SIDT2: variants seen among roughly 807,000 people sequenced by gnomAD.
The protein encoded by SIDT2 is SID1 transmembrane family, member 2.
SIDT2 carries 68 observed loss-of-function variants against 114.4 expected under a neutral mutation model. The ratio of observed to expected loss-of-function variants is 0.59; its 90% confidence interval spans 0.49 to 0.73. The LOEUF (loss-of-function observed/expected upper bound fraction) is 0.73. SIDT2 is among the 30% of genes least tolerant of loss of function. The pLI, the probability that SIDT2 is intolerant of heterozygous loss-of-function variation, is 0.00. For missense variants in SIDT2, 918 were observed against 1,097.1 expected, an observed-to-expected ratio of 0.84 and a Z score of 2.31; for synonymous variants, 470 against 438.4, an observed-to-expected ratio of 1.07 and a Z score of -0.90.
intron 6 of SIDT2, among the ~76,000 whole-genome samples, chr11:117,183,432 G>A (rs557926969): frequency 2.0e-5 from 3 of 152,032 alleles, no homozygotes; most frequent in South Asian, 2.1e-4. Context: ...GAGATCAGGC[G>A]TTCAAGACCA....
chr11:117,193,340 G>A (rs1251998371), intron 23 of SIDT2, 82 bp downstream of exon 23: 2 of 1,224,006 alleles, frequency 1.6e-6, no homozygotes, highest in Non-Finnish European at 2.3e-6. Flanking sequence ...TTGAGGGGCA[G>A]TGAGAAGTTT....
In SIDT2 at chr11:117,181,510, TC is replaced by T. The variant is rs1347489481; in HGVS notation, c.280del (p.Gln94ArgfsTer4). On this transcript the variant is annotated frameshift_variant, in exon 2 of 26. Transcript: ENST00000324225. LOFTEE classifies it high-confidence loss of function. ...CGCCAGAAGGAGGCTGTGGTGTCCT[TC>T]CAGGTGCCCCTAATCCTGCGAGGGA... Reference protein sequence around the residue: ...VVRQKEAVVSFQVPLILRGMF... With the variant: ...VVRQKEAVVSXQVPLILRGMF... 1 of 1,613,816 alleles carries T rather than the reference TC, an allele frequency of 6.2e-7. No individual in the cohort carries two copies. Among genetic ancestry groups the T allele is most frequent in the Non-Finnish European group, 8.5e-7 (1 of 1,179,944 alleles).
intron 24 of SIDT2, among the ~76,000 whole-genome samples, chr11:117,195,056 C>A (rs112712475): frequency 0.13 from 16,953 of 128,730 alleles, 1,601 homozygotes; most frequent in African/African-American, 0.28. Context: ...CACTGCACTC[C>A]AGCCTGTCAA....
In SIDT2 at chr11:117,194,228, T is replaced by C. The variant is rs2030808295; in HGVS notation, c.2322+265T>C. 8.8e-6 allele frequency: 3 copies of C among 339,906 alleles called. No individual in the cohort carries two copies. In the Admixed American group the frequency reaches 1.3e-4, roughly 15 times the overall value. 21.1% of individuals were successfully genotyped at this position (339,906 alleles called of 1,614,324 possible). On this transcript the variant is annotated intron_variant, in intron 24 of 25. Coordinates refer to ENST00000324225, the MANE Select transcript of SIDT2 (RefSeq NM_001040455.2). ...TACCTCGGAAGCGGAGGCAAGAAGA[T>C]AGCCTGTGCAGGAGTTCCAGGCTGC...
intron 12 of SIDT2, 197 bp downstream of exon 12, chr11:117,187,896 C>T (rs183688000): frequency 7.1e-6 from 5 of 701,460 alleles, no homozygotes; most frequent in South Asian, 3.0e-5. Flanking sequence ...TTGAAGGGCA[C>T]GACCAGTTCA....
At chr11:117,185,893 A>AAAG (rs1555036787) in intron 8 of SIDT2, 20 of 190,528 alleles carry the variant, frequency 1.0e-4, no homozygotes, top group Non-Finnish European at 1.5e-4. Context: ...AAAAAAAAAA[A>AAAG]AAGTAGAAGA....
intron 10 of SIDT2, 100 bp from the exon 11 acceptor site, chr11:117,187,278 C>T (rs1444737200): frequency 7.5e-6 from 9 of 1,201,946 alleles, no homozygotes; most frequent in African/African-American, 3.0e-5. Flanking sequence ...CTGGCATGGC[C>T]TCCCTGTGGC....
rs776451544 is a variant in SIDT2 at position 117,187,672 on chromosome 11, A to C, written c.1132A>C (p.Thr378Pro). The C allele has an allele frequency of 2.0e-5, 32 of 1,613,682 alleles. No individual in the cohort carries two copies. Among genetic ancestry groups the C allele is most frequent in the Non-Finnish European group, 2.5e-5 (29 of 1,179,984 alleles). Reference protein sequence around the residue: ...STDGLVDSAGTGDLSYGYQGR... With the variant: ...STDGLVDSAGPGDLSYGYQGR... ...CGATGGTCTGGTTGACAGCGCTGGC[A>C]CTGGGGACCTCTCTTACGGTTACCA... The change falls in exon 12 of 26, where the codon ACT (threonine) becomes CCT (proline). Residue 378 changes from threonine (T) to proline (P), a missense_variant. Thr to Pro is a conservative substitution (Grantham distance 38). Around this residue, in one of 4 missense-constraint regions of SIDT2, gnomAD observed 553 missense variants for 600.1 expected, o/e 0.92. Coordinates refer to ENST00000324225, the MANE Select transcript of SIDT2 (RefSeq NM_001040455.2).
rs1232607821 is a variant in SIDT2 at position 117,192,740 on chromosome 11, G to A, written c.2059-80G>A. 5 of 1,611,310 alleles carry A rather than the reference G, an allele frequency of 3.1e-6. No homozygotes were observed. The African/African-American group carries it at 6.7e-5, about 22-fold the overall frequency. Reference sequence around the variant, plus strand: ...GGCTGGGCTGAGGACCCAGGGGAGAGTGGGGACCAGCTGGCTGGGCCTTCT... The same window carrying A: ...GGCTGGGCTGAGGACCCAGGGGAGAATGGGGACCAGCTGGCTGGGCCTTCT... On this transcript the variant is annotated intron_variant, in intron 21 of 25. Coordinates refer to ENST00000324225, the MANE Select transcript of SIDT2 (RefSeq NM_001040455.2). This position sits in a 1 kb window ranked among gnomAD's most constrained non-coding sequence, Gnocchi z 5.9.
Position 117,190,590 on chromosome 11 carries a change from C to T in SIDT2, c.1618-33C>T, listed in dbSNP as rs2030663968. ...CCTTCTTCCCTTCCTGCCTCACTTC[C>T]TCCCTCCCTTCCCTTCTCTCTCTCC... is the stretch of plus-strand genomic sequence containing the variant. On this transcript the variant is annotated intron_variant, in intron 17 of 25. Coordinates refer to ENST00000324225, the MANE Select transcript of SIDT2 (RefSeq NM_001040455.2). The surrounding 1 kb of genome is among the most constrained non-coding windows in gnomAD (Gnocchi z 4.1). The T allele has an allele frequency of 6.6e-7, 1 of 1,522,972 alleles. No homozygotes were observed. Among genetic ancestry groups the T allele is most frequent in the Admixed American group, 2.0e-5 (1 of 51,126 alleles). The allele number at this position is 1,522,972 out of a possible 1,614,324, so 94.3% of individuals were successfully genotyped here.
chr11:117,183,653 T>A (rs199895194), intron 6 of SIDT2, 126 bp from the exon 7 acceptor site: 11 of 682,822 alleles, frequency 1.6e-5, no homozygotes, highest in Admixed American at 6.1e-5. Flanking sequence ...AAAAAAAAAA[T>A]CTTGTGAGGA....
At chr11:117,194,670 G>A (rs1232062484) in intron 24 of SIDT2, among the ~76,000 whole-genome samples, 6 of 152,208 alleles carry the variant, frequency 3.9e-5, no homozygotes, top group East Asian at 1.9e-4. Flanking sequence ...TTTACGATGT[G>A]ATACATGAAA....
intron 2 of SIDT2, 126 bp from the exon 3 acceptor site, chr11:117,181,681 C>A (rs1290094162): frequency 1.2e-5 from 19 of 1,567,460 alleles, no homozygotes; most frequent in African/African-American, 2.7e-5. Flanking sequence ...TCCCACCAGC[C>A]GGGAGCTTGT....
Position 117,189,238 on chromosome 11 carries a change from T to A in SIDT2, c.1348T>A (p.Phe450Ile). 6.2e-7 allele frequency: 1 copy of A among 1,613,970 alleles called. No homozygotes were observed. Among genetic ancestry groups the A allele is most frequent in the East Asian group, 2.2e-5 (1 of 44,888 alleles). Residue 450 changes from phenylalanine to isoleucine, a missense_variant, in exon 14 of 26, where the codon TTC becomes ATC. By Grantham distance (21) the Phe-to-Ile change is conservative. Transcript: ENST00000324225. The part of the protein sequence containing the change: ...RVLRKKYQIY[F>I]WNIATIAVFY... ...TCTGCGGAAAAAGTACCAGATCTAC[T>A]TCTGGTGAGTGGGCTGAGTGTCTGG...
intron 22 of SIDT2, 138 bp downstream of exon 22, chr11:117,193,004 T>C: frequency 7.4e-7 from 1 of 1,349,696 alleles, no homozygotes; most frequent in East Asian, 2.3e-5. Flanking sequence ...TTGGCCTCTC[T>C]TCTCTCTCTT....
Position 117,183,822 on chromosome 11 carries a change from T to C in SIDT2, c.746T>C (p.Val249Ala), listed in dbSNP as rs1281175438. 4 of 1,613,992 alleles carry C rather than the reference T, an allele frequency of 2.5e-6. No individual in the cohort carries two copies. The highest frequency in any genetic ancestry group is 1.7e-5 in the Admixed American group (1 of 60,000). ...AACAGCTTTTATGTGGTGGTGGTGG[T>C]GAAGACCGAAGACCAAGCCTGCGGG... The part of the protein sequence containing the change: ...PSNSFYVVVV[V>A]KTEDQACGGS... The change falls in exon 7 of 26, where the codon GTG becomes GCG. Residue 249 changes from valine to alanine, a missense_variant. By Grantham distance (64) the Val-to-Ala change is moderately conservative (BLOSUM62 0). Transcript: ENST00000324225.
chr11:117,180,104 C>G (rs765342262), intron 1 of SIDT2, among the ~76,000 whole-genome samples: 1 of 152,214 alleles, frequency 6.6e-6, no homozygotes, highest in Non-Finnish European at 1.5e-5. Flanking sequence ...TGTGGGAAGT[C>G]TAGACCCCAG....
chr11:117,190,989 G>A lies in SIDT2; in HGVS notation c.1735+249G>A. On this transcript the variant is annotated intron_variant, in intron 18 of 25. Coordinates refer to ENST00000324225, the MANE Select transcript of SIDT2 (RefSeq NM_001040455.2). This position sits in a 1 kb window ranked among gnomAD's most constrained non-coding sequence, Gnocchi z 4.1. Reference sequence around the variant, plus strand: ...GAAGAAAACAGTATAATTAAGAAGGGGTCCCTGGCCGGGTGCAGTGGCTCA... The same window carrying A: ...GAAGAAAACAGTATAATTAAGAAGGAGTCCCTGGCCGGGTGCAGTGGCTCA... 2 of 367,012 alleles carry A rather than the reference G, an allele frequency of 5.4e-6. No homozygotes were observed. Among genetic ancestry groups the A allele is most frequent in the South Asian group, 4.3e-5 (1 of 22,994 alleles). 22.7% of individuals were successfully genotyped at this position (367,012 alleles called of 1,614,324 possible). A position where few individuals can be genotyped will look rare whatever the true frequency, so the allele number is the denominator to read the frequency against.
chr11:117,187,844 C>A, intron 12 of SIDT2, 145 bp downstream of exon 12: 1 of 788,580 alleles, frequency 1.3e-6, no homozygotes, highest in Non-Finnish European at 2.2e-6. Context: ...TCCCTCATCC[C>A]CTCCTCCTTG....
Sources: allele counts gnomAD v4.1 joint callset (sites outside exome capture counted in the v4.1 genomes callset), GRCh38; gene constraint gnomAD v4.1.1; regional missense constraint gnomAD v4.1.1; non-coding constraint Gnocchi (gnomAD v3.1); transcripts MANE v1.5; gene names NCBI Gene and HGNC (gene_info 2026-07-23, HGNC 2026-07-21).